The following ACSBG1 variants were observed in gnomAD, a reference collection of about 807,000 sequenced individuals.
ACSBG1 encodes acyl-CoA synthetase bubblegum family member 1, also known as long-chain-fatty-acid--CoA ligase ACSBG1.
A neutral mutation model predicts 80.2 loss-of-function variants in ACSBG1; 39 were observed. The observed-to-expected ratio is 0.49, with a 90% CI of 0.38 to 0.64. ACSBG1 has a LOEUF of 0.64. Among genes scored for constraint, ACSBG1 ranks in the 30% least tolerant of loss-of-function variants. The pLI is 0.00. For synonymous variants in ACSBG1, 392 were observed against 379.5 expected (o/e 1.03, Z -0.38); for missense variants, 828 against 966.4 (o/e 0.86, Z 1.90).
rs1276989435 is a variant in ACSBG1, at chr15:78,194,497, C to T, written c.453+9G>A. The T allele has an allele frequency of 1.9e-6, 3 of 1,613,544 alleles. No homozygotes were observed. Among genetic ancestry groups the T allele is most frequent in the Non-Finnish European group, 2.5e-6 (3 of 1,179,640 alleles). On this transcript the variant is annotated intron_variant, in intron 3 of 13. Transcript: ENST00000258873. ...AGGGGCAAGGCCTTGCCATGAGGGG[C>T]CCCCTTACCTTCAGGAAGCCCTTGG...
Position 78,168,924 on chromosome 15 carries a change from C to T in ACSBG1, c.*2520G>A. 1.3e-6 allele frequency: 2 copies of T among 1,588,002 alleles called. No homozygotes were observed. The highest frequency in any genetic ancestry group is 1.1e-5 in the South Asian group (1 of 89,122). ...TTTTTGCTTTTTCCTTTTCTCAGAG[C>T]TTGACAAAAGATTTGGGAGGCAATG... On this transcript the variant is annotated 3_prime_UTR_variant, in exon 14 of 14. Transcript: ENST00000258873.
chr15:78,199,688 G>A (rs1435968054), intron 2 of ACSBG1, among the ~76,000 whole-genome samples: 1 of 147,348 alleles, frequency 6.8e-6, no homozygotes, highest in Non-Finnish European at 1.5e-5. Context: ...GTAGAGACAA[G>A]GTCTTGCTAT....
intron 1 of ACSBG1, among the ~76,000 whole-genome samples, chr15:78,224,603 C>T (rs2075385397): frequency 6.6e-6 from 1 of 152,114 alleles, no homozygotes; most frequent in African/African-American, 2.4e-5. Flanking sequence ...TACCTGTAGT[C>T]TCAGCTACTC....
chr15:78,218,085 G>A lies in ACSBG1; in HGVS notation c.132-9983C>T, dbSNP rs146971638. On this transcript the variant is annotated intron_variant, in intron 1 of 13. Coordinates refer to ENST00000258873, the MANE Select transcript of ACSBG1 (RefSeq NM_015162.5). ...GCTTGCCATTTTTATCCTAAGTACC[G>A]CAAGCGTGACTTTAGGTACTCCTCT... Among the ~76,000 whole-genome samples the A allele has an allele frequency of 4.5e-3, 678 of 152,166 alleles. 1 individual carries two copies. Among genetic ancestry groups the A allele is most frequent in the Non-Finnish European group, 4.3e-3 (294 of 67,998 alleles).
chr15:78,215,673 A>G (rs2075301414), intron 1 of ACSBG1, among the ~76,000 whole-genome samples: 1 of 151,470 alleles, frequency 6.6e-6, no homozygotes, highest in Non-Finnish European at 1.5e-5. Context: ...AAAAGAAAAA[A>G]GAAGAGAAGG....
At chr15:78,190,845 A>T (rs1595887512) in intron 5 of ACSBG1, among the ~76,000 whole-genome samples, 1 of 152,184 alleles carries the variant, frequency 6.6e-6, no homozygotes, top group East Asian at 1.9e-4. Flanking sequence ...ACTGAAGATC[A>T]AATGGAAGAC....
chr15:78,229,328 T>C (rs1325022495), intron 1 of ACSBG1, among the ~76,000 whole-genome samples: 1 of 152,258 alleles, frequency 6.6e-6, no homozygotes, highest in Non-Finnish European at 1.5e-5. Flanking sequence ...ACTGTGTTTT[T>C]TACATAATGG....
In ACSBG1 at chr15:78,179,561, G is replaced by A; in HGVS notation, c.1473C>T (p.Tyr491=). Residue 491 remains tyrosine (Y), a synonymous_variant, in exon 10 of 14, where the codon TAC becomes TAT. Transcript: ENST00000258873. ...GPHFMSSPYN[Y]RLYSSGKLVP... ...GCCTCGAGCCTCACCTGTACAGCCGGTAGTTGTAGGGACTGGACATGAAGT... is the reference window on the plus strand; with the variant it reads ...GCCTCGAGCCTCACCTGTACAGCCGATAGTTGTAGGGACTGGACATGAAGT... 1 of 1,612,890 alleles carries A rather than the reference G, an allele frequency of 6.2e-7. No individual in the cohort carries two copies. The highest frequency in any genetic ancestry group is 8.5e-7 in the Non-Finnish European group (1 of 1,178,924).
At chr15:78,218,795 GGAGTAT>G (rs2075334190) in intron 1 of ACSBG1, among the ~76,000 whole-genome samples, 2 of 41,004 alleles carry the variant, frequency 4.9e-5, no homozygotes, top group Non-Finnish European at 1.3e-4. Context: ...TTTTTGAGAC[GGAGTAT>G]CGCTCTCCTT....
Position 78,182,021 on chromosome 15 carries a change from G to C in ACSBG1, c.1019C>G (p.Thr340Arg). The C allele has an allele frequency of 6.2e-7, 1 of 1,614,176 alleles. No individual in the cohort carries two copies. Among genetic ancestry groups the C allele is most frequent in the South Asian group, 1.1e-5 (1 of 91,080 alleles). The stretch of plus-strand genomic sequence containing the variant: ...AACCTGGGCCCCCCACTGGATGCCT[G>C]TCCACAGGTCGTAGATCTGGGCGGC... ...HIAAQIYDLWTGIQWGAQVCF... is the reference protein window; with the variant it reads ...HIAAQIYDLWRGIQWGAQVCF... The change falls in exon 8 of 14, where the codon ACA (threonine) becomes AGA (arginine). Residue 340 changes from threonine (T) to arginine (R), a missense_variant. By Grantham distance (71) the Thr-to-Arg change is moderately conservative. Transcript: ENST00000258873.
chr15:78,177,912 A>T lies in ACSBG1; in HGVS notation c.1702+702T>A, dbSNP rs2074898979. ...CCCAACTATTTCTGTCTCTGTGGGA[A>T]GTTTGTCTTATTTTAAATTTTATAT... On this transcript the variant is annotated intron_variant, in intron 11 of 13. Coordinates refer to ENST00000258873, the MANE Select transcript of ACSBG1 (RefSeq NM_015162.5). This position sits in a 1 kb window ranked among gnomAD's most constrained non-coding sequence, Gnocchi z 4.1. 6.6e-6 allele frequency among the ~76,000 whole-genome samples: 1 copy of T among 152,184 alleles called. No homozygotes were observed. Among genetic ancestry groups the T allele is most frequent in the Non-Finnish European group, 1.5e-5 (1 of 68,028 alleles).
intron 1 of ACSBG1, among the ~76,000 whole-genome samples, chr15:78,223,450 T>TA (rs913857361): frequency 1.7e-4 from 26 of 151,706 alleles, no homozygotes; most frequent in Admixed American, 7.9e-4. Flanking sequence ...GAAAATAAAT[T>TA]AAAAAAATAG....
chr15:78,183,195 A>T (rs2074966653), intron 5 of ACSBG1, among the ~76,000 whole-genome samples: 1 of 152,264 alleles, frequency 6.6e-6, no homozygotes, highest in Non-Finnish European at 1.5e-5. Context: ...TGAAAAAAGG[A>T]AGTTTACAAT....
At chr15:78,207,917 T>TGC in intron 2 of ACSBG1, 85 bp downstream of exon 2, 4 of 876,066 alleles carry the variant, frequency 4.6e-6, no homozygotes, top group Non-Finnish European at 1.8e-6. Flanking sequence ...TGTGTGGTGG[T>TGC]CCCCCACACC....
chr15:78,187,311 C>G (rs542423367), intron 5 of ACSBG1, among the ~76,000 whole-genome samples: 2 of 152,302 alleles, frequency 1.3e-5, no homozygotes, highest in East Asian at 3.9e-4. Context: ...GGAATCCTCC[C>G]TAACTCATTT....
In ACSBG1 at chr15:78,168,972, G is replaced by A; in HGVS notation, c.*2472C>T. On this transcript the variant is annotated 3_prime_UTR_variant, in exon 14 of 14. Coordinates refer to ENST00000258873, the MANE Select transcript of ACSBG1 (RefSeq NM_015162.5). The stretch of plus-strand genomic sequence containing the variant: ...ATGCAAAATGCTCAGACTTCACAGA[G>A]GAAATCTGTCGCCGAGTAAAAGATT... 1 of 1,602,014 alleles carries A rather than the reference G, an allele frequency of 6.2e-7. No homozygotes were observed. The highest frequency in any genetic ancestry group is 8.5e-7 in the Non-Finnish European group (1 of 1,170,058).
At position 78,208,104 on chromosome 15, in the gene ACSBG1, T is replaced by G; in HGVS notation, c.132-2A>C. 6.2e-7 allele frequency: 1 copy of G among 1,613,082 alleles called. No homozygotes were observed. Among genetic ancestry groups the G allele is most frequent in the African/African-American group, 1.3e-5 (1 of 74,996 alleles). ...AGTGGCTGCCTGTCAGTCAGTGAGC[T>G]GGGGTGGTGAGGGGACCAGGAAAAA... On this transcript the variant is annotated splice_acceptor_variant, in intron 1 of 13. Coordinates refer to ENST00000258873, the MANE Select transcript of ACSBG1 (RefSeq NM_015162.5). LOFTEE classifies it high-confidence loss of function.
Position 78,193,639 on chromosome 15 carries a change from C to T in ACSBG1, c.543-13G>A. ...AGTGACGATGCCACTGTAGGAGACC[C>T]AGGAAGATTCACCTTAGGGGAGGTG... On this transcript the variant is annotated splice_polypyrimidine_tract_variant and intron_variant, in intron 4 of 13. Coordinates refer to ENST00000258873, the MANE Select transcript of ACSBG1 (RefSeq NM_015162.5). 6.2e-7 allele frequency: 1 copy of T among 1,609,918 alleles called. No individual in the cohort carries two copies. The highest frequency in any genetic ancestry group is 2.2e-5 in the East Asian group (1 of 44,846).
intron 2 of ACSBG1, among the ~76,000 whole-genome samples, chr15:78,202,322 C>CGCCTCA (rs893270940): frequency 2.6e-5 from 4 of 152,048 alleles, no homozygotes; most frequent in Admixed American, 1.3e-4. Context: ...GCGATTCCCC[C>CGCCTCA]GCCTCAGCCT....
Sources: allele counts gnomAD v4.1 joint callset (sites outside exome capture counted in the v4.1 genomes callset), GRCh38; gene constraint gnomAD v4.1.1; non-coding constraint Gnocchi (gnomAD v3.1); transcripts MANE v1.5; gene names NCBI Gene and HGNC (gene_info 2026-07-23, HGNC 2026-07-21).